The following ACSM4 variants were observed in gnomAD, a reference collection of about 807,000 sequenced individuals.
The protein encoded by ACSM4 is acyl-coenzyme A synthetase ACSM4, mitochondrial.
In ACSM4, 66 loss-of-function variants were observed where a neutral mutation model predicts 73.0. The ratio of observed to expected loss-of-function variants is 0.90; its 90% CI spans 0.74 to 1.11. ACSM4 has a LOEUF of 1.11. ACSM4 is among the 50% of genes least tolerant of loss of function. The probability of loss-of-function intolerance (pLI) is 0.00; values close to 1 mark genes in which losing one functional copy is unlikely to be tolerated. For synonymous variants in ACSM4, 222 were observed against 254.0 expected (o/e 0.87, Z 1.20); for missense variants, 645 against 714.4 (o/e 0.90, Z 1.11).
chr12:7,317,146 T>C lies in ACSM4; in HGVS notation c.630T>C (p.Ser210=), dbSNP rs1946426305. 2 of 1,611,374 alleles carry C rather than the reference T, an allele frequency of 1.2e-6. No homozygotes were observed. The highest frequency in any genetic ancestry group is 1.7e-6 in the Non-Finnish European group (2 of 1,178,928). ...GGTCCATATTTTGCAGATTCGCCTCTGAAGAGCACAGCTGTGTGGAAACAG... is the reference window on the plus strand; with the variant it reads ...GGTCCATATTTTGCAGATTCGCCTCCGAAGAGCACAGCTGTGTGGAAACAG... ...LSFQELFQFA[S]EEHSCVETGS... The change falls in exon 4 of 13, where the codon TCT becomes TCC. Residue 210 remains serine (S), a synonymous_variant. Coordinates refer to ENST00000399422, the MANE Select transcript of ACSM4 (RefSeq NM_001080454.2).
At chr12:7,306,847 C>CAA (rs59277746) in intron 2 of ACSM4, 104 bp downstream of exon 2, 31,231 of 484,144 alleles carry the variant, frequency 0.065, 1,569 homozygotes, top group African/African-American at 0.15. Flanking sequence ...ATACAGAAGA[C>CAA]AAAAAAAAAA....
At chr12:7,304,629 C>T in intron 1 of ACSM4, 97 bp downstream of exon 1, 1 of 1,213,802 alleles carries the variant, frequency 8.2e-7, no homozygotes, top group Non-Finnish European at 1.2e-6. Context: ...TTCCAATGCA[C>T]TCTCTCACCC....
chr12:7,325,842 T>C (rs73059709), intron 11 of ACSM4, among the ~76,000 whole-genome samples: 24,991 of 152,096 alleles, frequency 0.16, 2,589 homozygotes, highest in Admixed American at 0.28. Context: ...TTCAAAACAA[T>C]TTGTCAGCAT....
intron 5 of ACSM4, among the ~76,000 whole-genome samples, chr12:7,319,538 C>T (rs1244711388): frequency 2.7e-5 from 4 of 146,772 alleles, no homozygotes; most frequent in Admixed American, 1.4e-4. Context: ...TGCAGTGAGC[C>T]GAGATCACAC....
At chr12:7,323,581 G>C (rs1946481220) in intron 9 of ACSM4, 21 bp downstream of exon 9, 1 of 1,596,530 alleles carries the variant, frequency 6.3e-7, no homozygotes, top group Non-Finnish European at 8.6e-7. Flanking sequence ...AGAAAGTGCT[G>C]GTCATGCTTA....
chr12:7,326,675 G>C (rs1446066934), intron 11 of ACSM4, among the ~76,000 whole-genome samples: 2 of 152,188 alleles, frequency 1.3e-5, no homozygotes, highest in East Asian at 1.9e-4. Context: ...ACCAAGGACT[G>C]TCTGTGTAAT....
At chr12:7,321,509 T>C (rs1946463458) in intron 6 of ACSM4, among the ~76,000 whole-genome samples, 1 of 152,238 alleles carries the variant, frequency 6.6e-6, no homozygotes, top group Non-Finnish European at 1.5e-5. Flanking sequence ...ATGGATCTTC[T>C]CTTTTCCTAG....
At chr12:7,314,579 T>C (rs1565753091) in intron 3 of ACSM4, among the ~76,000 whole-genome samples, 12 of 151,990 alleles carry the variant, frequency 7.9e-5, no homozygotes. Context: ...GATGAATAGA[T>C]AGATGAAAGA....
chr12:7,322,998 A>G (rs1197621135), intron 7 of ACSM4, among the ~76,000 whole-genome samples: 1 of 152,226 alleles, frequency 6.6e-6, no homozygotes, highest in Non-Finnish European at 1.5e-5. Context: ...CACCTAATGA[A>G]TCAGAAACTC....
chr12:7,306,193 T>C (rs1946360805), intron 1 of ACSM4, among the ~76,000 whole-genome samples: 1 of 152,252 alleles, frequency 6.6e-6, no homozygotes, highest in South Asian at 2.1e-4. Flanking sequence ...TCTCTGAGCA[T>C]GCGTAAGCAC....
chr12:7,312,610 G>A (rs764019221), intron 3 of ACSM4, among the ~76,000 whole-genome samples: 50 of 152,306 alleles, frequency 3.3e-4, no homozygotes, highest in African/African-American at 1.2e-3. Flanking sequence ...AATACTGCTT[G>A]TGTCTTTTAT....
intron 1 of ACSM4, among the ~76,000 whole-genome samples, chr12:7,305,745 C>T (rs776251669): frequency 6.6e-6 from 1 of 152,242 alleles, no homozygotes; most frequent in East Asian, 1.9e-4. Context: ...AAAGAGAAGT[C>T]TAAGAAAAGC....
intron 1 of ACSM4, among the ~76,000 whole-genome samples, chr12:7,305,505 T>G (rs1946356919): frequency 6.6e-6 from 1 of 152,164 alleles, no homozygotes; most frequent in Non-Finnish European, 1.5e-5. Flanking sequence ...CCTATATTAT[T>G]TCACCAAATC....
At chr12:7,307,414 A>T (rs1243470623) in intron 2 of ACSM4, among the ~76,000 whole-genome samples, 1 of 152,206 alleles carries the variant, frequency 6.6e-6, no homozygotes. Context: ...TATCTAGGAC[A>T]TGTTCATCCA....
intron 2 of ACSM4, among the ~76,000 whole-genome samples, chr12:7,308,667 A>C (rs1048459566): frequency 3.9e-5 from 6 of 152,228 alleles, no homozygotes; most frequent in Non-Finnish European, 8.8e-5. Context: ...AAATAATCTT[A>C]AATTTTTATA....
At chr12:7,315,474 C>T (rs1169984401) in intron 3 of ACSM4, among the ~76,000 whole-genome samples, 4 of 150,718 alleles carry the variant, frequency 2.7e-5, no homozygotes, top group Non-Finnish European at 4.4e-5. Context: ...AGCCGGGTGT[C>T]GTGGTGCATT....
At chr12:7,325,543 A>G (rs1946497413) in intron 11 of ACSM4, among the ~76,000 whole-genome samples, 1 of 152,180 alleles carries the variant, frequency 6.6e-6, no homozygotes, top group Non-Finnish European at 1.5e-5. Flanking sequence ...GCTACTTAGG[A>G]GGCTGAGGCA....
At position 7,304,201 on chromosome 12, in the gene ACSM4, G is replaced by A; in HGVS notation, c.-131G>A. The A allele has an allele frequency of 3.1e-6, 3 of 957,144 alleles. No homozygotes were observed. The highest frequency in any genetic ancestry group is 4.8e-6 in the Non-Finnish European group (3 of 628,218). The allele number at this position is 957,144 out of a possible 1,614,324, so 59.3% of individuals were successfully genotyped here. A position where few individuals can be genotyped will look rare whatever the true frequency, so the allele number is the denominator to read the frequency against. Reference sequence around the variant, plus strand: ...TTTCAGGTGTTCCCCAACTTGCCAGGGACACACAGCCACAAATCCACCTCC... The same window carrying A: ...TTTCAGGTGTTCCCCAACTTGCCAGAGACACACAGCCACAAATCCACCTCC... On this transcript the variant is annotated 5_prime_UTR_variant, in exon 1 of 13. Transcript: ENST00000399422.
chr12:7,320,945 CGGA>C, intron 6 of ACSM4, 141 bp downstream of exon 6: 1 of 778,516 alleles, frequency 1.3e-6, no homozygotes, highest in Non-Finnish European at 2.1e-6. Context: ...ATTCTATCGT[CGGA>C]GGACGGTCGT....
Sources: gnomAD v4.1 joint callset for allele counts (sites outside exome capture counted in the v4.1 genomes callset) on GRCh38, gnomAD v4.1.1 for gene constraint, MANE v1.5 for transcripts, NCBI Gene and HGNC (gene_info 2026-07-23, HGNC 2026-07-21) for gene names.